The following ALK variants were observed in gnomAD, a reference collection of about 807,000 sequenced individuals.
The protein encoded by ALK is ALK receptor tyrosine kinase.
Under a neutral mutation model 163.1 loss-of-function variants are expected in ALK, and 74 were observed. That is an observed-to-expected ratio of 0.45 (90% confidence interval 0.38 to 0.55). The LOEUF is 0.55. Among genes scored for constraint, ALK ranks in the 20% least tolerant of loss-of-function variants. The pLI is 0.00. For missense variants in ALK, 2,063 were observed against 2,105.3 expected, an observed-to-expected ratio of 0.98 and a Z score of 0.39; for synonymous variants, 960 against 843.2, an observed-to-expected ratio of 1.14 and a Z score of -2.40.
intron 4 of ALK, among the ~76,000 whole-genome samples, chr2:29,404,453 C>A (rs1410423891): frequency 1.2e-4 from 18 of 152,236 alleles, no homozygotes. Flanking sequence ...ATTAACAAGG[C>A]CATCCAGCAT....
intron 23 of ALK, among the ~76,000 whole-genome samples, chr2:29,220,052 G>C (rs1558621440): frequency 6.6e-6 from 1 of 152,146 alleles, no homozygotes; most frequent in South Asian, 2.1e-4. Context: ...TCTCTAGTTT[G>C]GTTTTCCAGA....
chr2:29,447,362 G>A (rs1470001468), intron 4 of ALK, among the ~76,000 whole-genome samples: 4 of 152,142 alleles, frequency 2.6e-5, no homozygotes, highest in South Asian at 4.1e-4. Context: ...TGGGTAAGAC[G>A]CGGACAGAGA....
At chr2:29,200,285 GT>G (rs1669124593) in intron 26 of ALK, among the ~76,000 whole-genome samples, 1 of 152,118 alleles carries the variant, frequency 6.6e-6, no homozygotes, top group African/African-American at 2.4e-5. Context: ...TATGTTTTCT[GT>G]TTTTCTAGAT....
chr2:29,308,616 G>A (rs370765274), intron 8 of ALK, among the ~76,000 whole-genome samples: 20 of 152,318 alleles, frequency 1.3e-4, no homozygotes, highest in African/African-American at 2.9e-4. Flanking sequence ...GCAAGCTTTC[G>A]TATCAGAAAG....
intron 1 of ALK, among the ~76,000 whole-genome samples, chr2:29,811,076 T>C (rs1160957100): frequency 1.3e-5 from 2 of 152,050 alleles, no homozygotes; most frequent in African/African-American, 2.4e-5. Context: ...TATGTTGTTA[T>C]GGCAACCCAA....
intron 12 of ALK, among the ~76,000 whole-genome samples, chr2:29,240,162 G>A (rs1470743859): frequency 6.6e-6 from 1 of 151,224 alleles, no homozygotes; most frequent in East Asian, 1.9e-4. Context: ...CAGAGAGAGA[G>A]AGAGAGAGAG....
chr2:29,313,302 C>T (rs1464458319), intron 8 of ALK, among the ~76,000 whole-genome samples: 1 of 152,168 alleles, frequency 6.6e-6, no homozygotes, highest in East Asian at 1.9e-4. Context: ...TCCTGATTTG[C>T]TAAAGTAAGT....
At chr2:29,808,656 G>A (rs1664677599) in intron 1 of ALK, among the ~76,000 whole-genome samples, 1 of 152,104 alleles carries the variant, frequency 6.6e-6, no homozygotes, top group Non-Finnish European at 1.5e-5. Flanking sequence ...TCCCCCATAG[G>A]AGGCAGTGGC....
At chr2:29,680,192 G>T (rs949744367) in intron 3 of ALK, among the ~76,000 whole-genome samples, 8 of 151,908 alleles carry the variant, frequency 5.3e-5, no homozygotes, top group Admixed American at 4.6e-4. Context: ...GGGATTTTCT[G>T]AGGCACTTGG....
intron 8 of ALK, among the ~76,000 whole-genome samples, chr2:29,306,699 A>T (rs1431305625): frequency 6.6e-6 from 1 of 152,156 alleles, no homozygotes; most frequent in African/African-American, 2.4e-5. Flanking sequence ...AAATATGCGA[A>T]ATCTGACACA....
At chr2:29,537,040 C>T (rs1322722011) in intron 3 of ALK, among the ~76,000 whole-genome samples, 1 of 152,150 alleles carries the variant, frequency 6.6e-6, no homozygotes, top group Non-Finnish European at 1.5e-5. Context: ...AAACTTGAAA[C>T]TTATATTTAA....
intron 1 of ALK, among the ~76,000 whole-genome samples, chr2:29,777,499 G>A (rs1471833577): frequency 6.6e-6 from 1 of 152,086 alleles, no homozygotes; most frequent in African/African-American, 2.4e-5. Context: ...TAGGTACCTA[G>A]GGTCTTCTAC....
At chr2:29,863,321 A>G (rs1204898890) in intron 1 of ALK, among the ~76,000 whole-genome samples, 1 of 152,242 alleles carries the variant, frequency 6.6e-6, no homozygotes, top group East Asian at 1.9e-4. Flanking sequence ...AACAATCAAC[A>G]CAGTGAAGAG....
intron 1 of ALK, among the ~76,000 whole-genome samples, chr2:29,887,626 T>C (rs1178858854): frequency 6.6e-6 from 1 of 152,170 alleles, no homozygotes; most frequent in Non-Finnish European, 1.5e-5. Context: ...AAAGTGCAGA[T>C]TCTGGTTGGG....
Position 29,839,396 on chromosome 2 carries a change from T to C in ALK, c.667+80597A>G, listed in dbSNP as rs373164697. On this transcript the variant is annotated intron_variant, in intron 1 of 28. Coordinates refer to ENST00000389048, the MANE Select transcript of ALK (RefSeq NM_004304.5). ...GAGAGAAAACTGGTAGAAGAATGAG[T>C]GGCTGAGAATTCCAGGAAACAAATC... Among the ~76,000 whole-genome samples, 12 of 152,172 alleles carry C rather than the reference T, an allele frequency of 7.9e-5. 1 individual carries two copies. Among genetic ancestry groups the C allele is most frequent in the African/African-American group, 2.9e-4 (12 of 41,528 alleles).
rs952997210 is a variant in ALK at position 29,887,757 on chromosome 2, T to A, written c.667+32236A>T. On this transcript the variant is annotated intron_variant, in intron 1 of 28. Transcript: ENST00000389048. ...GGCTTGACAAGCCCATTATGTTGTATCTTCCATTGCACCAAAATTCTGTTA... is the reference window on the plus strand; with the variant it reads ...GGCTTGACAAGCCCATTATGTTGTAACTTCCATTGCACCAAAATTCTGTTA... Among the ~76,000 whole-genome samples the A allele has an allele frequency of 2.6e-5, 4 of 152,316 alleles. No homozygotes were observed. The East Asian group carries it at 7.7e-4, about 29-fold the overall frequency.
chr2:29,743,969 GT>G (rs374104710), intron 1 of ALK, among the ~76,000 whole-genome samples: 23 of 149,266 alleles, frequency 1.5e-4, no homozygotes, highest in East Asian at 3.9e-4. Flanking sequence ...CTTAGACCAT[GT>G]TTTTTTTTTC....
chr2:29,503,536 G>C (rs1672240483), intron 4 of ALK, among the ~76,000 whole-genome samples: 1 of 152,152 alleles, frequency 6.6e-6, no homozygotes, highest in Non-Finnish European at 1.5e-5. Context: ...ACAATGCATG[G>C]GCACCGTACC....
chr2:29,229,296 G>A (rs925707231), intron 15 of ALK, among the ~76,000 whole-genome samples: 1 of 152,156 alleles, frequency 6.6e-6, no homozygotes, highest in Admixed American at 6.5e-5. Flanking sequence ...AGATGAGAGC[G>A]TGCCTTGTAC....
Sources: gnomAD v4.1 joint callset for allele counts (sites outside exome capture counted in the v4.1 genomes callset) on GRCh38, gnomAD v4.1.1 for gene constraint, MANE v1.5 for transcripts, NCBI Gene and HGNC (gene_info 2026-07-23, HGNC 2026-07-21) for gene names.